Variants in COLGALT2 observed in about 807,000 individuals in gnomAD.
The protein encoded by COLGALT2 is collagen beta(1-O)galactosyltransferase 2.
COLGALT2 carries 49 observed loss-of-function variants against 73.4 expected under a neutral mutation model. That is an observed-to-expected ratio of 0.67 (90% CI 0.53 to 0.85). COLGALT2 has a LOEUF of 0.85. Among genes scored for constraint, COLGALT2 ranks in the 40% least tolerant of loss-of-function variants. The pLI, the probability that COLGALT2 is intolerant of heterozygous loss-of-function variation, is 0.00. For missense variants in COLGALT2, 722 were observed against 790.2 expected (o/e 0.91, Z 1.03); for synonymous variants, 295 against 307.6 (o/e 0.96, Z 0.43).
chr1:183,962,200 C>T (rs1670728347), intron 6 of COLGALT2, among the ~76,000 whole-genome samples: 1 of 123,336 alleles, frequency 8.1e-6, no homozygotes, highest in Non-Finnish European at 1.6e-5. Flanking sequence ...CACTCTGTCA[C>T]TCAGGCTGGA....
chr1:183,964,950 T>G (rs1670825804), intron 5 of COLGALT2, among the ~76,000 whole-genome samples: 1 of 152,210 alleles, frequency 6.6e-6, no homozygotes, highest in Non-Finnish European at 1.5e-5. Flanking sequence ...AGAGAGATAA[T>G]TATCTGCATA....
chr1:183,964,080 C>G (rs192966327), intron 5 of COLGALT2, 60 bp from the exon 6 acceptor site: 5 of 1,585,244 alleles, frequency 3.2e-6, no homozygotes. Flanking sequence ...GAGTGACAAG[C>G]GAGGAGAAGG....
Position 183,938,698 on chromosome 1 carries a change from G to T in COLGALT2, c.*63C>A. 4.4e-6 allele frequency: 7 copies of T among 1,580,886 alleles called. No individual in the cohort carries two copies. The highest frequency in any genetic ancestry group is 6.0e-6 in the Non-Finnish European group (7 of 1,163,190). On this transcript the variant is annotated 3_prime_UTR_variant, in exon 12 of 12. Coordinates refer to ENST00000361927, the MANE Select transcript of COLGALT2 (RefSeq NM_015101.4). Reference sequence around the variant, plus strand: ...AAACAGAAAACTGGAGCAAACAGATGAATAGCCCTTTAGAAAAACCAGAGG... The same window carrying T: ...AAACAGAAAACTGGAGCAAACAGATTAATAGCCCTTTAGAAAAACCAGAGG...
At chr1:183,943,233 C>A (rs1043514838) in intron 10 of COLGALT2, among the ~76,000 whole-genome samples, 1 of 152,182 alleles carries the variant, frequency 6.6e-6, no homozygotes, top group South Asian at 2.1e-4. Flanking sequence ...TCTGAGGGAA[C>A]AAGTATTCCA....
chr1:184,013,312 C>A (rs1416097898), intron 1 of COLGALT2, among the ~76,000 whole-genome samples: 2 of 152,178 alleles, frequency 1.3e-5, no homozygotes, highest in African/African-American at 4.8e-5. Flanking sequence ...CAGACTCCAT[C>A]TCAAAACAAA....
rs373092157 is a variant in COLGALT2, at chr1:184,017,733, C to A, written c.263+19362G>T. On this transcript the variant is annotated intron_variant, in intron 1 of 11. Coordinates refer to ENST00000361927, the MANE Select transcript of COLGALT2 (RefSeq NM_015101.4). Reference sequence around the variant, plus strand: ...AATACATTGTGATGGGCCCCTGGAGCAGGCAGACTAAAGTGCAAGCTTCAT... The same window carrying A: ...AATACATTGTGATGGGCCCCTGGAGAAGGCAGACTAAAGTGCAAGCTTCAT... Among the ~76,000 whole-genome samples, 19 of 152,306 alleles carry A rather than the reference C, an allele frequency of 1.2e-4. No individual in the cohort carries two copies. In the East Asian group the frequency reaches 3.7e-3, roughly 29 times the overall value.
intron 6 of COLGALT2, among the ~76,000 whole-genome samples, chr1:183,955,582 A>T (rs1335986784): frequency 6.6e-6 from 1 of 152,176 alleles, no homozygotes; most frequent in African/African-American, 2.4e-5. Flanking sequence ...TTGATACTCT[A>T]AAAAAGCTTC....
chr1:183,984,528 C>T (rs1180479395), intron 1 of COLGALT2, among the ~76,000 whole-genome samples: 2 of 152,170 alleles, frequency 1.3e-5, no homozygotes, highest in African/African-American at 4.8e-5. Flanking sequence ...CCCTGGTACC[C>T]GCCAGCCACC....
At chr1:183,963,141 G>A (rs1448760627) in intron 6 of COLGALT2, among the ~76,000 whole-genome samples, 1 of 152,200 alleles carries the variant, frequency 6.6e-6, no homozygotes, top group African/African-American at 2.4e-5. Context: ...TGATGACTGA[G>A]CACAGCAATT....
intron 4 of COLGALT2, among the ~76,000 whole-genome samples, chr1:183,972,988 C>T (rs562784361): frequency 1.1e-4 from 16 of 152,182 alleles, no homozygotes; most frequent in Non-Finnish European, 1.9e-4. Flanking sequence ...TGTGAGCCAC[C>T]GCGCCTGGCA....
chr1:183,944,499 G>C (rs902443345), intron 9 of COLGALT2, among the ~76,000 whole-genome samples, 176 bp from the exon 10 acceptor site: 1 of 152,190 alleles, frequency 6.6e-6, no homozygotes, highest in Non-Finnish European at 1.5e-5. Flanking sequence ...ACAGCAGTGA[G>C]GATATATGAT....
chr1:183,945,682 G>T (rs1226147417), intron 8 of COLGALT2, 118 bp from the exon 9 acceptor site: 3 of 1,214,012 alleles, frequency 2.5e-6, no homozygotes, highest in Non-Finnish European at 3.5e-6. Flanking sequence ...AAGACAGAGA[G>T]GCTTCCCTTT....
At chr1:184,005,917 T>C (rs563193003) in intron 1 of COLGALT2, among the ~76,000 whole-genome samples, 222 of 152,284 alleles carry the variant, frequency 1.5e-3, no homozygotes, top group Middle Eastern at 3.4e-3. Flanking sequence ...ATCTGTTTGC[T>C]ATCATAGAAA....
At position 183,937,165 on chromosome 1, in the gene COLGALT2, G is replaced by A. The variant is rs1268771031; in HGVS notation, c.*1596C>T. 8.1e-7 allele frequency: 1 copy of A among 1,227,712 alleles called. No homozygotes were observed. Among genetic ancestry groups the A allele is most frequent in the Non-Finnish European group, 1.0e-6 (1 of 986,090 alleles). The allele number at this position is 1,227,712 out of a possible 1,614,324, so 76.1% of individuals were successfully genotyped here. ...CCCGCCTGTGGACTCTGCTCTGAAG[G>A]GCCCTCCCCATGAGTTTAAGTGTGA... On this transcript the variant is annotated 3_prime_UTR_variant, in exon 12 of 12. Transcript: ENST00000361927.
intron 1 of COLGALT2, 92 bp downstream of exon 1, chr1:184,037,003 C>G (rs1156937684): frequency 4.4e-6 from 5 of 1,125,886 alleles, no homozygotes; most frequent in Non-Finnish European, 5.6e-6. Context: ...CAGCGGCTCC[C>G]TCGCCCTGCA....
At chr1:183,932,223 C>A (rs3828029), downstream of COLGALT2, among the ~76,000 whole-genome samples, 34,421 of 152,094 alleles carry the variant, frequency 0.23, 4,292 homozygotes, top group Non-Finnish European at 0.26. Context: ...TTGGTGAGAT[C>A]TGACTGCCTC....
chr1:183,936,082 C>T lies in COLGALT2; in HGVS notation c.*2679G>A. The T allele has an allele frequency of 1.0e-6, 1 of 985,532 alleles. No homozygotes were observed. Among genetic ancestry groups the T allele is most frequent in the Non-Finnish European group, 1.2e-6 (1 of 830,002 alleles). The allele number at this position is 985,532 out of a possible 1,614,324, so 61.0% of individuals were successfully genotyped here. A position where few individuals can be genotyped will look rare whatever the true frequency, so the allele number is the denominator to read the frequency against. On this transcript the variant is annotated 3_prime_UTR_variant, in exon 12 of 12. Transcript: ENST00000361927. ...CCAGCACTGCTGATGTCACGGTTGTCTGTCCAGAAGATCCCACGTTAGATC... is the reference window on the plus strand; with the variant it reads ...CCAGCACTGCTGATGTCACGGTTGTTTGTCCAGAAGATCCCACGTTAGATC...
intron 6 of COLGALT2, among the ~76,000 whole-genome samples, chr1:183,957,582 A>AT (rs1290665568): frequency 2.6e-5 from 4 of 151,962 alleles, no homozygotes; most frequent in Non-Finnish European, 5.9e-5. Context: ...GCTGTTTTTG[A>AT]TTTTTTTCAA....
intron 1 of COLGALT2, among the ~76,000 whole-genome samples, chr1:183,981,449 T>C (rs1206970024): frequency 6.6e-6 from 1 of 151,840 alleles, no homozygotes; most frequent in Admixed American, 6.6e-5. Flanking sequence ...GGTCAGGAGT[T>C]TGAGACCAGC....
Sources: allele counts gnomAD v4.1 joint callset (sites outside exome capture counted in the v4.1 genomes callset), GRCh38; gene constraint gnomAD v4.1.1; transcripts MANE v1.5; gene names NCBI Gene and HGNC (gene_info 2026-07-23, HGNC 2026-07-21).